Variants in RIMS2 observed in about 807,000 individuals in gnomAD.
The protein encoded by RIMS2 is regulating synaptic membrane exocytosis 2.
Under a neutral mutation model 174.4 loss-of-function variants are expected in RIMS2, and 59 were observed. That is an observed-to-expected ratio of 0.34 (90% CI 0.27 to 0.42). The LOEUF (loss-of-function observed/expected upper bound fraction) is 0.42, where lower values mean the gene tolerates loss of function less well. Among genes scored for constraint, RIMS2 ranks in the 10% least tolerant of loss-of-function variants. RIMS2 has a pLI of 1.00. For missense variants in RIMS2, 1,620 were observed against 1,666.3 expected (o/e 0.97, Z 0.48); for synonymous variants, 606 against 572.5 (o/e 1.06, Z -0.84).
chr8:103,612,406 G>A (rs2095400896), intron 1 of RIMS2, among the ~76,000 whole-genome samples: 3 of 152,120 alleles, frequency 2.0e-5, no homozygotes, highest in Admixed American at 2.0e-4. Flanking sequence ...TTCACAGTCT[G>A]GGCTTGTTTC....
At chr8:104,121,688 G>A (rs934370776) in intron 19 of RIMS2, among the ~76,000 whole-genome samples, 5 of 152,144 alleles carry the variant, frequency 3.3e-5, no homozygotes, top group Admixed American at 6.5e-5. Context: ...ATGGCTGAGC[G>A]AGGTGGCTCT....
chr8:103,971,520 C>T (rs73295521), intron 15 of RIMS2, among the ~76,000 whole-genome samples: 4,586 of 152,166 alleles, frequency 0.03, 212 homozygotes, highest in African/African-American at 0.1. Flanking sequence ...TTCCCCTTCT[C>T]CAAGCTAGTC....
intron 3 of RIMS2, among the ~76,000 whole-genome samples, chr8:103,849,835 A>G (rs1414592898): frequency 6.6e-6 from 1 of 152,010 alleles, no homozygotes; most frequent in African/African-American, 2.4e-5. Flanking sequence ...TTCCTGAAAT[A>G]CTGTGGCTTA....
intron 16 of RIMS2, among the ~76,000 whole-genome samples, chr8:103,984,455 T>A (rs1273722299): frequency 6.6e-6 from 1 of 152,174 alleles, no homozygotes; most frequent in Non-Finnish European, 1.5e-5. Flanking sequence ...ATCAGAAGAT[T>A]CTCAACATCA....
At chr8:103,513,149 C>A (rs1010837891) in intron 1 of RIMS2, among the ~76,000 whole-genome samples, 1 of 152,134 alleles carries the variant, frequency 6.6e-6, no homozygotes, top group Non-Finnish European at 1.5e-5. Flanking sequence ...TGCCTGCAGT[C>A]GGCAAGTGCT....
At position 104,130,654 on chromosome 8, in the gene RIMS2, G is replaced by A. The variant is rs1226559615; in HGVS notation, c.3335-114262G>A. Among the ~76,000 whole-genome samples the A allele has an allele frequency of 2.6e-5, 4 of 152,120 alleles. No individual in the cohort carries two copies. The East Asian group carries it at 7.7e-4, about 29-fold the overall frequency. The stretch of plus-strand genomic sequence containing the variant: ...GGAAGATAAGAGCAAATTGGCAAAA[G>A]TGTTATCTAATTTCACATTACTGAG... On this transcript the variant is annotated intron_variant, in intron 19 of 23. Transcript: ENST00000504942.
chr8:103,984,026 A>T (rs2154549566), intron 16 of RIMS2, among the ~76,000 whole-genome samples: 1 of 152,170 alleles, frequency 6.6e-6, no homozygotes, highest in South Asian at 2.1e-4. Context: ...ACAAAAAAAA[A>T]TAGCAGGCGT....
intron 1 of RIMS2, among the ~76,000 whole-genome samples, chr8:103,555,946 C>T (rs1403190183): frequency 4.6e-5 from 7 of 151,984 alleles, no homozygotes; most frequent in East Asian, 1.9e-4. Flanking sequence ...GATAGAAAGA[C>T]GAATACTGGA....
chr8:104,092,690 C>A (rs1447256111), intron 19 of RIMS2, among the ~76,000 whole-genome samples: 2 of 151,822 alleles, frequency 1.3e-5, no homozygotes, highest in Admixed American at 1.3e-4. Flanking sequence ...GGTTTGCAGA[C>A]TCCAAAGTCT....
At chr8:104,066,762 T>C (rs1471637537) in intron 19 of RIMS2, among the ~76,000 whole-genome samples, 2 of 152,196 alleles carry the variant, frequency 1.3e-5, no homozygotes, top group East Asian at 3.8e-4. Context: ...GTCAAATCAT[T>C]ATTAACATGT....
chr8:104,014,464 A>G (rs1261733125), intron 18 of RIMS2, 42 bp from the exon 21 acceptor site: 12 of 1,084,156 alleles, frequency 1.1e-5, no homozygotes, highest in Non-Finnish European at 1.5e-5. Flanking sequence ...AAAAATATGT[A>G]ACTCATTATA....
chr8:103,739,806 G>T (rs2097737599), intron 2 of RIMS2, among the ~76,000 whole-genome samples: 1 of 152,090 alleles, frequency 6.6e-6, no homozygotes, highest in African/African-American at 2.4e-5. Context: ...CTGCTTCTCA[G>T]AGACCTCTGC....
intron 2 of RIMS2, among the ~76,000 whole-genome samples, chr8:103,721,188 A>G (rs1389675843): frequency 6.6e-6 from 1 of 152,174 alleles, no homozygotes. Flanking sequence ...CCATGATTGC[A>G]TGTTTCCTGA....
chr8:104,248,935 T>TTTTTA, intron 21 of RIMS2, 122 bp downstream of exon 27: 1 of 497,074 alleles, frequency 2.0e-6, no homozygotes, highest in Non-Finnish European at 3.5e-6. Context: ...CTCCCTCTAT[T>TTTTTA]TTTTTTTTTT....
At chr8:103,741,855 A>T (rs1214670645) in intron 2 of RIMS2, among the ~76,000 whole-genome samples, 1 of 152,088 alleles carries the variant, frequency 6.6e-6, no homozygotes. Context: ...TGTCAAACCA[A>T]TCAGCCACAT....
intron 17 of RIMS2, among the ~76,000 whole-genome samples, chr8:103,989,941 A>T (rs1375128917): frequency 6.6e-6 from 1 of 152,134 alleles, no homozygotes; most frequent in African/African-American, 2.4e-5. Flanking sequence ...TAAGCATCTT[A>T]AAGATTGTTT....
rs149489871 is a variant in RIMS2, at chr8:104,013,126, A to G, written c.3045-316A>G. Among the ~76,000 whole-genome samples the G allele has an allele frequency of 4.4e-3, 677 of 152,304 alleles. 23 individuals carry two copies. Among genetic ancestry groups the G allele is most frequent in the Admixed American group, 0.036 (550 of 15,286 alleles). On this transcript the variant is annotated intron_variant, in intron 17 of 23. Transcript: ENST00000504942. The stretch of plus-strand genomic sequence containing the variant: ...GGAAAAGTCATTGAATTCTTTTAAA[A>G]TAGAATAATTCACATATTTCACGTA...
At chr8:104,223,872 A>C (rs1179071138) in intron 19 of RIMS2, 3 of 1,193,852 alleles carry the variant, frequency 2.5e-6, no homozygotes, top group Non-Finnish European at 3.6e-6. Flanking sequence ...CGGGGCAGAG[A>C]GAACTCCACG....
chr8:103,528,611 G>A (rs1219195570), intron 1 of RIMS2, among the ~76,000 whole-genome samples: 1 of 152,138 alleles, frequency 6.6e-6, no homozygotes, highest in Non-Finnish European at 1.5e-5. Context: ...TCTACATATG[G>A]CTAGCCAGTT....
Sources: gnomAD v4.1 joint callset for allele counts (sites outside exome capture counted in the v4.1 genomes callset) on GRCh38, gnomAD v4.1.1 for gene constraint, MANE v1.5 for transcripts, NCBI Gene and HGNC (gene_info 2026-07-23, HGNC 2026-07-21) for gene names.